The following SLC38A8 variants were observed in gnomAD, a reference collection of about 807,000 sequenced individuals.
SLC38A8 encodes solute carrier family 38 member 8.
Under a neutral mutation model 46.0 loss-of-function variants are expected in SLC38A8, and 65 were observed. That is an observed-to-expected ratio of 1.41 (90% CI 1.16 to 1.74). The LOEUF (loss-of-function observed/expected upper bound fraction) is 1.74. Among genes scored for constraint, SLC38A8 ranks in the 40% most tolerant of loss-of-function variants. The pLI is 0.00. For missense variants in SLC38A8, 998 were observed against 567.9 expected (o/e 1.76, Z -7.70); for synonymous variants, 447 against 243.7 (o/e 1.83, Z -7.77).
intron 6 of SLC38A8, among the ~76,000 whole-genome samples, chr16:84,023,121 T>A (rs989091425): frequency 1.3e-5 from 2 of 151,720 alleles, no homozygotes; most frequent in Non-Finnish European, 2.9e-5. Context: ...CCAGGCATTA[T>A]CAATACAAGC....
At chr16:84,026,093 G>A (rs375876429) in intron 6 of SLC38A8, among the ~76,000 whole-genome samples, 5 of 152,256 alleles carry the variant, frequency 3.3e-5, no homozygotes, top group Admixed American at 6.5e-5. Context: ...GGGAGTCCCC[G>A]AACGGCAGCT....
At chr16:84,012,689 G>A (rs778639268) in intron 10 of SLC38A8, among the ~76,000 whole-genome samples, 9 of 152,184 alleles carry the variant, frequency 5.9e-5, no homozygotes, top group African/African-American at 1.4e-4. Context: ...CCCTGGGTCC[G>A]AGCCAGGTAA....
intron 9 of SLC38A8, among the ~76,000 whole-genome samples, chr16:84,016,110 G>C (rs1023922901): frequency 2.6e-5 from 4 of 151,160 alleles, no homozygotes; most frequent in Non-Finnish European, 4.4e-5. Context: ...AGGCAGGCAA[G>C]AGAGCTTGTG....
chr16:84,026,871 G>A lies in SLC38A8; in HGVS notation c.690+2623C>T, dbSNP rs371654831. On this transcript the variant is annotated intron_variant, in intron 6 of 10. Transcript: ENST00000299709. The stretch of plus-strand genomic sequence containing the variant: ...GACAGACAAGAAGTGCAAGAGCTGC[G>A]GGCAGAGGTGGAGAATGGAGAGTGA... Among the ~76,000 whole-genome samples, 5 of 152,134 alleles carry A rather than the reference G, an allele frequency of 3.3e-5. No individual in the cohort carries two copies. The East Asian group carries it at 5.8e-4, about 18-fold the overall frequency.
Position 84,033,348 on chromosome 16 carries a change from G to C in SLC38A8, c.510C>G (p.Ile170Met), listed in dbSNP as rs142587413. The C allele has an allele frequency of 1.2e-5, 20 of 1,613,928 alleles. No individual in the cohort carries two copies. Among genetic ancestry groups the C allele is most frequent in the Non-Finnish European group, 1.6e-5 (19 of 1,179,998 alleles). ...VILPLSAPRE[I>M]AFQKYTSILG... ...CTTACCTTGTGTATTTCTGGAAGGC[G>C]ATCTCCCGCGGGGCAGACAGGGGCA... is the stretch of plus-strand genomic sequence containing the variant. Residue 170 changes from isoleucine (I) to methionine (M), a missense_variant, in exon 4 of 11, where the codon ATC becomes ATG. Coordinates refer to ENST00000299709, the MANE Select transcript of SLC38A8 (RefSeq NM_001080442.3).
chr16:84,014,506 C>CA (rs966615820), intron 9 of SLC38A8, among the ~76,000 whole-genome samples: 2 of 152,046 alleles, frequency 1.3e-5, no homozygotes, highest in Non-Finnish European at 2.9e-5. Flanking sequence ...GTGAAAGCGC[C>CA]ACCCTAAGCC....
At chr16:84,032,200 GTT>G (rs869210132) in intron 4 of SLC38A8, among the ~76,000 whole-genome samples, 5 of 115,984 alleles carry the variant, frequency 4.3e-5, no homozygotes, top group Admixed American at 2.9e-4. Context: ...TGTTGTTGTT[GTT>G]TTTTGAGACG....
chr16:84,042,058 T>C lies in SLC38A8; in HGVS notation c.100A>G (p.Met34Val), dbSNP rs760703921. The change falls in exon 2 of 11, where the codon ATG becomes GTG. Residue 34 changes from methionine (M) to valine (V), a missense_variant. Met to Val is a conservative substitution (Grantham distance 21). Transcript: ENST00000299709. Reference sequence around the variant, plus strand: ...AGGCCAGCTCCCAGCGCGGACTTCATGAGGATGAAGACAGCGCCCATCGAG... The same window carrying C: ...AGGCCAGCTCCCAGCGCGGACTTCACGAGGATGAAGACAGCGCCCATCGAG... ...LSSMGAVFIL[M>V]KSALGAGLLN... 1.7e-5 allele frequency: 28 copies of C among 1,613,788 alleles called. No individual in the cohort carries two copies. The South Asian group carries it at 2.9e-4, about 16-fold the overall frequency.
At chr16:84,036,924 G>T (rs1278923287) in intron 2 of SLC38A8, 24 bp from the exon 3 acceptor site, 6 of 1,589,060 alleles carry the variant, frequency 3.8e-6, no homozygotes, top group Non-Finnish European at 5.1e-6. Context: ...GCAGGACCTG[G>T]AACTGGGGTG....
chr16:84,036,573 G>T (rs562532491), intron 3 of SLC38A8, 129 bp downstream of exon 3: 4 of 1,016,926 alleles, frequency 3.9e-6, no homozygotes, highest in East Asian at 2.6e-5. Context: ...AGGAACAAGA[G>T]TGTGGTTTCA....
chr16:84,013,075 C>T, intron 9 of SLC38A8, 23 bp from the exon 10 acceptor site: 1 of 1,613,856 alleles, frequency 6.2e-7, no homozygotes, highest in East Asian at 2.2e-5. Context: ...CAGGGTCACC[C>T]ACAGTTCTTC....
chr16:84,018,420 C>A (rs1016946385), intron 7 of SLC38A8, among the ~76,000 whole-genome samples: 2 of 151,846 alleles, frequency 1.3e-5, no homozygotes, highest in African/African-American at 4.8e-5. Flanking sequence ...AGGGTTTCAC[C>A]GTGTTAGCCA....
intron 9 of SLC38A8, among the ~76,000 whole-genome samples, chr16:84,016,186 CAAG>C (rs1236140315): frequency 6.6e-6 from 1 of 152,226 alleles, no homozygotes; most frequent in East Asian, 1.9e-4. Context: ...TTCACTACCA[CAAG>C]AACAGAATGG....
At chr16:84,029,323 G>C (rs17724822) in intron 6 of SLC38A8, among the ~76,000 whole-genome samples, 171 bp downstream of exon 6, 31,643 of 152,120 alleles carry the variant, frequency 0.21, 3,429 homozygotes, top group South Asian at 0.26. Flanking sequence ...CCATCCTCAT[G>C]GTCTGGAATG....
intron 6 of SLC38A8, among the ~76,000 whole-genome samples, chr16:84,028,570 GA>G (rs34104203): frequency 0.019 from 2,646 of 139,250 alleles, 32 homozygotes; most frequent in Non-Finnish European, 0.031. Flanking sequence ...CTCAAAAAAA[GA>G]AAAAAAAAAA....
chr16:84,013,322 C>A (rs1040478875), intron 9 of SLC38A8, among the ~76,000 whole-genome samples: 1 of 152,170 alleles, frequency 6.6e-6, no homozygotes, highest in East Asian at 1.9e-4. Flanking sequence ...CAACATGCCC[C>A]CCCACAGCAG....
intron 7 of SLC38A8, among the ~76,000 whole-genome samples, chr16:84,021,134 C>G (rs987991872): frequency 2.0e-5 from 3 of 152,158 alleles, no homozygotes; most frequent in African/African-American, 4.8e-5. Context: ...GCGATCTCAG[C>G]TCACTGCAAC....
At position 84,039,704 on chromosome 16, in the gene SLC38A8, C is replaced by T. The variant is rs141421633; in HGVS notation, c.189+2265G>A. On this transcript the variant is annotated intron_variant, in intron 2 of 10. Transcript: ENST00000299709. ...CGGAGGTTGCAGTGAGCTGAGATCA[C>T]GCCATTGCACTCCAGCCTGGGCAAG... Among the ~76,000 whole-genome samples the T allele has an allele frequency of 3.8e-3, 533 of 142,054 alleles. 3 individuals are homozygous for T. Among genetic ancestry groups the T allele is most frequent in the African/African-American group, 0.013 (485 of 37,450 alleles). The allele number at this position is 142,054 out of a possible 152,430, so 93.2% of individuals were successfully genotyped here.
At chr16:84,040,426 G>C (rs2085354837) in intron 2 of SLC38A8, among the ~76,000 whole-genome samples, 1 of 152,088 alleles carries the variant, frequency 6.6e-6, no homozygotes, top group South Asian at 2.1e-4. Context: ...GTGGTCTCAG[G>C]CCCACCCAGC....
Sources: gnomAD v4.1 joint callset for allele counts (sites outside exome capture counted in the v4.1 genomes callset) on GRCh38, gnomAD v4.1.1 for gene constraint, MANE v1.5 for transcripts, NCBI Gene and HGNC (gene_info 2026-07-23, HGNC 2026-07-21) for gene names.